Variants in OGA observed in about 807,000 individuals in gnomAD.
The protein encoded by OGA is O-GlcNAcase.
OGA carries 21 observed loss-of-function variants against 102.0 expected under a neutral mutation model. The ratio of observed to expected loss-of-function variants is 0.21; its 90% CI spans 0.15 to 0.30. The LOEUF (loss-of-function observed/expected upper bound fraction) is 0.30, where lower values mean the gene tolerates loss of function less well. Ranked by LOEUF, OGA falls within the 10% of genes least tolerant of loss-of-function variation. OGA has a pLI of 1.00. For missense variants in OGA, 765 were observed against 1,107.8 expected, an observed-to-expected ratio of 0.69 and a Z score of 4.39; for synonymous variants, 408 against 378.2, an observed-to-expected ratio of 1.08 and a Z score of -0.91.
chr10:101,813,169 T>C (rs772074193), intron 2 of OGA, 42 bp from the exon 3 acceptor site: 2 of 1,265,452 alleles, frequency 1.6e-6, no homozygotes, highest in Non-Finnish European at 1.1e-6. Flanking sequence ...ACAGGCAACA[T>C]TCATAGGCTG....
chr10:101,790,249 A>G (rs1451187153), intron 14 of OGA, among the ~76,000 whole-genome samples: 1 of 150,526 alleles, frequency 6.6e-6, no homozygotes, highest in East Asian at 1.9e-4. Context: ...ACTCAACAAA[A>G]CGACCATAAT....
intron 1 of OGA, among the ~76,000 whole-genome samples, chr10:101,814,134 G>A (rs1230245396): frequency 6.6e-6 from 1 of 152,050 alleles, no homozygotes. Flanking sequence ...TCCAGACCCA[G>A]CCTGGCCAAC....
At chr10:101,797,786 T>C (rs757639565) in intron 10 of OGA, 194 bp downstream of exon 10, 7 of 613,496 alleles carry the variant, frequency 1.1e-5, no homozygotes, top group Non-Finnish European at 2.0e-5. Context: ...GGGAGAAAAA[T>C]TAATGTGCTT....
chr10:101,789,840 G>A (rs1196727744), intron 14 of OGA, among the ~76,000 whole-genome samples: 4 of 152,114 alleles, frequency 2.6e-5, no homozygotes, highest in Non-Finnish European at 2.9e-5. Context: ...TAGCTGATGC[G>A]TAGTGGCTTG....
intron 4 of OGA, among the ~76,000 whole-genome samples, chr10:101,808,703 C>T (rs1026326922): frequency 6.6e-6 from 1 of 152,174 alleles, no homozygotes; most frequent in African/African-American, 2.4e-5. Context: ...GGCGCAGTGG[C>T]TCACACTTGT....
chr10:101,809,936 G>A (rs949842555), intron 4 of OGA, among the ~76,000 whole-genome samples: 3 of 151,326 alleles, frequency 2.0e-5, no homozygotes, highest in Non-Finnish European at 2.9e-5. Flanking sequence ...CCAGCTACTC[G>A]GGAAGCTGAG....
intron 10 of OGA, chr10:101,797,619 G>A (rs1326540461): frequency 9.7e-6 from 4 of 411,060 alleles, no homozygotes; most frequent in Non-Finnish European, 1.7e-5. Flanking sequence ...GACACAGCAA[G>A]CAGCAGAAAG....
At chr10:101,812,276 T>G (rs1471732172) in intron 3 of OGA, among the ~76,000 whole-genome samples, 1 of 151,994 alleles carries the variant, frequency 6.6e-6, no homozygotes, top group Non-Finnish European at 1.5e-5. Flanking sequence ...GCACAGGAGC[T>G]CAAGCCTGTA....
chr10:101,796,148 G>A (rs955897990), intron 10 of OGA, among the ~76,000 whole-genome samples: 8 of 152,170 alleles, frequency 5.3e-5, no homozygotes, highest in Non-Finnish European at 8.8e-5. Context: ...CTATAAGAAT[G>A]AATTATAAGA....
At position 101,803,762 on chromosome 10, in the gene OGA, T is replaced by G; in HGVS notation, c.1009A>C (p.Asn337His). Residue 337 changes from asparagine to histidine, a missense_variant, in exon 7 of 16, where the codon AAT becomes CAT. This residue lies in a region of OGA where 33 missense variants were observed against 52.5 expected (regional missense o/e 0.63). Coordinates refer to ENST00000361464, the MANE Select transcript of OGA (RefSeq NM_012215.5). ...TLATWYKSNM[N>H]GVRKDVVMTD... ...ATCACTACATCTTTTCTCACTCCAT[T>G]CATGTTTGATTTGTACCAGGTGGCA... The G allele has an allele frequency of 6.2e-7, 1 of 1,614,158 alleles. No homozygotes were observed. Among genetic ancestry groups the G allele is most frequent in the Admixed American group, 1.7e-5 (1 of 60,028 alleles).
At chr10:101,791,823 T>A (rs534994887) in intron 12 of OGA, among the ~76,000 whole-genome samples, 1 of 150,314 alleles carries the variant, frequency 6.7e-6, no homozygotes, top group Non-Finnish European at 1.5e-5. Flanking sequence ...TACGCCACCA[T>A]ACTCATCTAA....
intron 5 of OGA, 143 bp from the exon 6 acceptor site, chr10:101,806,286 T>A (rs1291634183): frequency 1.9e-6 from 1 of 531,534 alleles, no homozygotes; most frequent in Non-Finnish European, 3.4e-6. Flanking sequence ...CACTGCAACC[T>A]CTGCCTCCTG....
In OGA at chr10:101,790,800, T is replaced by C. The variant is rs1032401464; in HGVS notation, c.2454+96A>G. The C allele has an allele frequency of 3.9e-5, 35 of 897,430 alleles. No homozygotes were observed. The African/African-American group carries it at 4.5e-4, about 11-fold the overall frequency. The allele number at this position is 897,430 out of a possible 1,614,324, so 55.6% of individuals were successfully genotyped here. A position where few individuals can be genotyped will look rare whatever the true frequency, so the allele number is the denominator to read the frequency against. Reference sequence around the variant, plus strand: ...GCACTAAGATTTTATGATGTATCTATGTACTTTTCCATTTTAGTAAGTACT... The same window carrying C: ...GCACTAAGATTTTATGATGTATCTACGTACTTTTCCATTTTAGTAAGTACT... On this transcript the variant is annotated intron_variant, in intron 14 of 15. Transcript: ENST00000361464.
intron 6 of OGA, among the ~76,000 whole-genome samples, chr10:101,805,046 A>T (rs1054754204): frequency 1.3e-5 from 2 of 151,144 alleles, no homozygotes; most frequent in Non-Finnish European, 3.0e-5. Context: ...TATTAACTGA[A>T]TTTTTTTTGA....
intron 1 of OGA, among the ~76,000 whole-genome samples, chr10:101,817,232 G>A (rs1220855301): frequency 6.6e-6 from 1 of 152,234 alleles, no homozygotes; most frequent in African/African-American, 2.4e-5. Flanking sequence ...TCGAGAATCT[G>A]TGATTAAAGC....
intron 6 of OGA, among the ~76,000 whole-genome samples, chr10:101,805,301 T>C (rs945119885): frequency 1.4e-4 from 22 of 152,216 alleles, no homozygotes; most frequent in African/African-American, 4.6e-4. Flanking sequence ...TCCCCAACCA[T>C]GATAGATGTT....
chr10:101,786,332 T>G lies in OGA; in HGVS notation c.*119A>C. 2.8e-6 allele frequency: 3 copies of G among 1,090,464 alleles called. No homozygotes were observed. Among genetic ancestry groups the G allele is most frequent in the Admixed American group, 3.0e-5 (1 of 33,820 alleles). The allele number at this position is 1,090,464 out of a possible 1,614,324, so 67.5% of individuals were successfully genotyped here. ...GGTGAGTTTTACATAGTCTTCTTTG[T>G]TTCGAATCCAATTGGCTGATTTGTT... is the stretch of plus-strand genomic sequence containing the variant. On this transcript the variant is annotated 3_prime_UTR_variant, in exon 16 of 16. Coordinates refer to ENST00000361464, the MANE Select transcript of OGA (RefSeq NM_012215.5).
At chr10:101,789,581 GAAACA>G (rs1215721753) in intron 14 of OGA, among the ~76,000 whole-genome samples, 1 of 151,996 alleles carries the variant, frequency 6.6e-6, no homozygotes, top group Non-Finnish European at 1.5e-5. Flanking sequence ...AAGGAAAAGA[GAAACA>G]ACATAGAAGA....
intron 14 of OGA, among the ~76,000 whole-genome samples, chr10:101,789,194 G>C (rs2065227558): frequency 6.6e-6 from 1 of 152,250 alleles, no homozygotes; most frequent in Non-Finnish European, 1.5e-5. Flanking sequence ...GTAAAATATA[G>C]AAATAAACTA....
Sources: allele counts gnomAD v4.1 joint callset (sites outside exome capture counted in the v4.1 genomes callset), GRCh38; gene constraint gnomAD v4.1.1; regional missense constraint gnomAD v4.1.1; transcripts MANE v1.5; gene names NCBI Gene and HGNC (gene_info 2026-07-23, HGNC 2026-07-21).